The following ENTREP2 variants were observed in gnomAD, a reference collection of about 807,000 sequenced individuals.
ENTREP2 encodes the protein protein ENTREP2.
chr15:29,210,227 G>A, the ENTREP2 span, among the ~76,000 whole-genome samples: 4 of 152,152 alleles, frequency 2.6e-5, no homozygotes, highest in South Asian at 8.3e-4. Flanking sequence ...CCAGGGCCAG[G>A]TAAGGTACTA....
the ENTREP2 span, among the ~76,000 whole-genome samples, chr15:29,336,417 C>T: frequency 8.3e-4 from 126 of 151,882 alleles, no homozygotes; most frequent in African/African-American, 2.7e-3. Flanking sequence ...GCTCAAACAA[C>T]CCTCCCACCT....
At chr15:29,653,869 G>A in the ENTREP2 span, among the ~76,000 whole-genome samples, 2,727 of 152,082 alleles carry the variant, frequency 0.018, 29 homozygotes, top group Non-Finnish European at 0.03. Flanking sequence ...CCATCTAAGA[G>A]TGTAAAGCTC....
the ENTREP2 span, among the ~76,000 whole-genome samples, chr15:29,384,995 T>C: frequency 6.6e-6 from 1 of 152,244 alleles, no homozygotes; most frequent in East Asian, 1.9e-4. Context: ...GATGAAATCT[T>C]ACCCGTTCTT....
the ENTREP2 span, chr15:29,136,938 C>T: frequency 9.2e-7 from 1 of 1,081,342 alleles, no homozygotes; most frequent in Non-Finnish European, 1.3e-6. Flanking sequence ...CCTCTGTTCT[C>T]ACCGCCATGC....
the ENTREP2 span, among the ~76,000 whole-genome samples, chr15:29,497,183 T>C: frequency 1.3e-5 from 2 of 152,208 alleles, no homozygotes; most frequent in Admixed American, 6.5e-5. Context: ...TCACCAGATG[T>C]GGGCCCTAGA....
chr15:29,213,654 T>C, the ENTREP2 span, among the ~76,000 whole-genome samples: 13 of 152,338 alleles, frequency 8.5e-5, no homozygotes, highest in Admixed American at 7.8e-4. Context: ...CCTGAGACTT[T>C]GCTGAATTTG....
At chr15:29,488,831 CA>C in the ENTREP2 span, among the ~76,000 whole-genome samples, 1 of 151,976 alleles carries the variant, frequency 6.6e-6, no homozygotes, top group African/African-American at 2.4e-5. Context: ...ATACATCCTA[CA>C]AAAATACCCT....
At chr15:29,349,931 AATTG>A in the ENTREP2 span, among the ~76,000 whole-genome samples, 243 of 152,144 alleles carry the variant, frequency 1.6e-3, 3 homozygotes, top group East Asian at 0.041. Flanking sequence ...AATAATAATT[AATTG>A]ATTAATTAAT....
At chr15:29,161,169 C>G in the ENTREP2 span, among the ~76,000 whole-genome samples, 1 of 152,170 alleles carries the variant, frequency 6.6e-6, no homozygotes. Flanking sequence ...GAATGTAAGG[C>G]CTTGACTGCT....
At chr15:29,565,910 G>A in the ENTREP2 span, among the ~76,000 whole-genome samples, 6 of 151,464 alleles carry the variant, frequency 4.0e-5, no homozygotes, top group East Asian at 6.0e-4. Flanking sequence ...GCAGTGAGCC[G>A]AGATCACGCC....
chr15:29,602,598 C>T, the ENTREP2 span, among the ~76,000 whole-genome samples: 4 of 152,030 alleles, frequency 2.6e-5, no homozygotes, highest in Non-Finnish European at 5.9e-5. Context: ...AGTGCAGTGG[C>T]GCGATCTCAG....
chr15:29,352,775 T>C, the ENTREP2 span, among the ~76,000 whole-genome samples: 14 of 152,314 alleles, frequency 9.2e-5, no homozygotes, highest in African/African-American at 2.4e-4. Context: ...TCAGATTATT[T>C]TATTCCTTTT....
chr15:29,498,128 T>C, the ENTREP2 span, among the ~76,000 whole-genome samples: 2 of 152,156 alleles, frequency 1.3e-5, no homozygotes, highest in Non-Finnish European at 2.9e-5. Flanking sequence ...GTGTGGCACT[T>C]CCTCACTCTC....
the ENTREP2 span, among the ~76,000 whole-genome samples, chr15:29,158,581 A>G: frequency 6.6e-6 from 1 of 151,890 alleles, no homozygotes; most frequent in South Asian, 2.1e-4. Flanking sequence ...ATTTTGATGT[A>G]TATTTTTTTA....
the ENTREP2 span, among the ~76,000 whole-genome samples, chr15:29,560,019 A>C: frequency 1.3e-5 from 2 of 152,216 alleles, no homozygotes; most frequent in Non-Finnish European, 2.9e-5. Flanking sequence ...TTGCATCATA[A>C]AGATTCTCCG....
At chr15:29,212,414 C>G in the ENTREP2 span, among the ~76,000 whole-genome samples, 460 of 152,218 alleles carry the variant, frequency 3.0e-3, 12 homozygotes, top group Admixed American at 0.028. Context: ...TTTTACTTAT[C>G]TTTTCAAAGA....
chr15:29,445,292 G>T, the ENTREP2 span, among the ~76,000 whole-genome samples: 7 of 152,122 alleles, frequency 4.6e-5, no homozygotes, highest in Non-Finnish European at 8.8e-5. Flanking sequence ...GTGTCTTTTT[G>T]TGTGCTAATA....
chr15:29,460,663 C>A, the ENTREP2 span, among the ~76,000 whole-genome samples: 1 of 152,100 alleles, frequency 6.6e-6, no homozygotes, highest in Non-Finnish European at 1.5e-5. Context: ...CAAGAAAAAA[C>A]ACAATTCTTA....
At chr15:29,245,319 C>G in the ENTREP2 span, among the ~76,000 whole-genome samples, 1 of 151,762 alleles carries the variant, frequency 6.6e-6, no homozygotes, top group Non-Finnish European at 1.5e-5. Context: ...CAAAATAAAT[C>G]CTAGATCGAT....
Sources: gnomAD v4.1 joint callset for allele counts (sites outside exome capture counted in the v4.1 genomes callset) on GRCh38, gnomAD v4.1.1 for gene constraint, MANE v1.5 for transcripts, NCBI Gene and HGNC (gene_info 2026-07-23, HGNC 2026-07-21) for gene names.